Variants in LARGE1 observed in about 807,000 individuals in gnomAD.
The protein encoded by LARGE1 is xylosyl- and glucuronyltransferase LARGE1.
In LARGE1, 43 loss-of-function variants were observed where a neutral mutation model predicts 87.6. That is an observed-to-expected ratio of 0.49 (90% CI 0.38 to 0.63). The LOEUF is 0.63. LARGE1 is among the 30% of genes least tolerant of loss of function. The probability of loss-of-function intolerance (pLI) is 0.00; values close to 1 mark genes in which losing one functional copy is unlikely to be tolerated. For synonymous variants in LARGE1, 434 were observed against 394.6 expected, an observed-to-expected ratio of 1.10 and a Z score of -1.18; for missense variants, 802 against 1,000.2, an observed-to-expected ratio of 0.80 and a Z score of 2.67.
intron 1 of LARGE1, among the ~76,000 whole-genome samples, chr22:33,827,058 A>G (rs1448724177): frequency 6.6e-6 from 1 of 152,020 alleles, no homozygotes; most frequent in Non-Finnish European, 1.5e-5. Context: ...GCTTTCTCCT[A>G]AGACATTTAA....
Position 33,513,032 on chromosome 22 carries a change from G to A in LARGE1, c.787+51816C>T, listed in dbSNP as rs1602193982. Among the ~76,000 whole-genome samples the A allele has an allele frequency of 2.6e-5, 4 of 151,362 alleles. No homozygotes were observed. In the South Asian group the frequency reaches 8.3e-4, roughly 32 times the overall value. ...ATGCAAAAGGAGGTGCCTAATGCCT[G>A]AGGATCCCAGAGATGCAAACCTTCC... On this transcript the variant is annotated intron_variant, in intron 6 of 14. Coordinates refer to ENST00000397394, the MANE Select transcript of LARGE1 (RefSeq NM_133642.5).
intron 9 of LARGE1, among the ~76,000 whole-genome samples, chr22:33,376,221 CTAAAGAAAGCTA>C (rs1186221312): frequency 6.6e-6 from 1 of 152,152 alleles, no homozygotes; most frequent in Non-Finnish European, 1.5e-5. Flanking sequence ...AGTTATATTT[CTAAAGAAAGCTA>C]GAATACACCT....
intron 2 of LARGE1, among the ~76,000 whole-genome samples, chr22:33,757,599 A>G (rs916363646): frequency 1.3e-5 from 2 of 152,170 alleles, no homozygotes; most frequent in Admixed American, 1.3e-4. Flanking sequence ...CTATGCTGAG[A>G]GCAGCCACAT....
intron 2 of LARGE1, among the ~76,000 whole-genome samples, chr22:33,697,106 G>A (rs1455349398): frequency 6.6e-6 from 1 of 152,146 alleles, no homozygotes; most frequent in Non-Finnish European, 1.5e-5. Flanking sequence ...ATGAATGCCA[G>A]GAGGTAGAGG....
Position 33,400,781 on chromosome 22 carries a change from C to T in LARGE1, c.893-16477G>A, listed in dbSNP as rs377555154. On this transcript the variant is annotated intron_variant, in intron 7 of 14. Coordinates refer to ENST00000397394, the MANE Select transcript of LARGE1 (RefSeq NM_133642.5). ...AGTATGCCTTCATTATTCACTCATT[C>T]GCATGCTCAGAAAAAAAGCAGACGC... Among the ~76,000 whole-genome samples the T allele has an allele frequency of 5.7e-4, 87 of 152,300 alleles. No homozygotes were observed. In the South Asian group the frequency reaches 0.011, roughly 19 times the overall value.
chr22:33,794,124 A>G (rs2085908041), intron 1 of LARGE1, among the ~76,000 whole-genome samples: 1 of 152,156 alleles, frequency 6.6e-6, no homozygotes, highest in African/African-American at 2.4e-5. Context: ...CATATCCAGA[A>G]GCTTCCCAGG....
chr22:33,837,779 T>A lies in LARGE1; in HGVS notation c.-82-76221A>T, dbSNP rs188831203. On this transcript the variant is annotated intron_variant, in intron 1 of 14. Transcript: ENST00000397394. ...GGCTCTGCCCCAAATGAGCCTCAGG[T>A]GTGCTAAGGTGGTGCCTTCAGCCCC... Among the ~76,000 whole-genome samples, 3 of 152,324 alleles carry A rather than the reference T, an allele frequency of 2.0e-5. No homozygotes were observed. The East Asian group carries it at 5.8e-4, about 29-fold the overall frequency.
chr22:33,713,869 T>C (rs560699847), intron 2 of LARGE1, among the ~76,000 whole-genome samples: 1 of 152,176 alleles, frequency 6.6e-6, no homozygotes, highest in South Asian at 2.1e-4. Flanking sequence ...GGTGAGAGGA[T>C]TACTTGAGTT....
chr22:33,354,150 G>T (rs1940669910), intron 9 of LARGE1, among the ~76,000 whole-genome samples: 3 of 152,296 alleles, frequency 2.0e-5, no homozygotes, highest in African/African-American at 7.2e-5. Flanking sequence ...CCCTTCGGTG[G>T]AAAGGTGACA....
chr22:33,206,691 G>C (rs1924705572), intron 11 of LARGE1, among the ~76,000 whole-genome samples: 1 of 152,164 alleles, frequency 6.6e-6, no homozygotes, highest in South Asian at 2.1e-4. Flanking sequence ...AGTCCAATAG[G>C]TCTCTGCTCC....
At chr22:33,443,473 A>G (rs1437700279) in intron 6 of LARGE1, among the ~76,000 whole-genome samples, 1 of 152,204 alleles carries the variant, frequency 6.6e-6, no homozygotes, top group Non-Finnish European at 1.5e-5. Context: ...GCCCCTCTGC[A>G]GAACCCTCTG....
chr22:33,581,889 T>C lies in LARGE1; in HGVS notation c.616-16870A>G, dbSNP rs543858275. On this transcript the variant is annotated intron_variant, in intron 5 of 14. Coordinates refer to ENST00000397394, the MANE Select transcript of LARGE1 (RefSeq NM_133642.5). The stretch of plus-strand genomic sequence containing the variant: ...AGAGAGTAATGAATGGACATCACCA[T>C]GGGGTCACCAAGTGATAGATACATC... Among the ~76,000 whole-genome samples, 13 of 151,282 alleles carry C rather than the reference T, an allele frequency of 8.6e-5. No homozygotes were observed. The South Asian group carries it at 1.9e-3, about 22-fold the overall frequency.
At chr22:33,690,393 A>T (rs2082062668) in intron 2 of LARGE1, among the ~76,000 whole-genome samples, 1 of 152,140 alleles carries the variant, frequency 6.6e-6, no homozygotes, top group African/African-American at 2.4e-5. Flanking sequence ...TGCTATGTGA[A>T]CGTAACGGCT....
At chr22:33,878,977 CTT>C (rs1164706410) in intron 1 of LARGE1, among the ~76,000 whole-genome samples, 2 of 150,598 alleles carry the variant, frequency 1.3e-5, no homozygotes, top group Non-Finnish European at 3.0e-5. Context: ...TCTTCTTCTT[CTT>C]CTTCCTTTTT....
intron 11 of LARGE1, among the ~76,000 whole-genome samples, chr22:33,196,898 G>A (rs1568969287): frequency 6.6e-6 from 1 of 152,110 alleles, no homozygotes; most frequent in Non-Finnish European, 1.5e-5. Context: ...AACTACTCAT[G>A]ACTAGCATAA....
intron 2 of LARGE1, among the ~76,000 whole-genome samples, chr22:33,689,989 T>A (rs1351524704): frequency 6.6e-6 from 1 of 152,074 alleles, no homozygotes; most frequent in Non-Finnish European, 1.5e-5. Context: ...ATAATGTACA[T>A]CTTTCACATT....
chr22:33,496,853 T>C (rs1185343233), intron 6 of LARGE1, among the ~76,000 whole-genome samples: 5 of 152,128 alleles, frequency 3.3e-5, no homozygotes, highest in Non-Finnish European at 5.9e-5. Flanking sequence ...CATGGGCATC[T>C]GTTCTCTTGC....
At chr22:33,366,116 C>T (rs534237872) in intron 9 of LARGE1, among the ~76,000 whole-genome samples, 1 of 152,136 alleles carries the variant, frequency 6.6e-6, no homozygotes, top group African/African-American at 2.4e-5. Flanking sequence ...GTTTCTAATC[C>T]GTCTGGAATT....
chr22:33,634,674 AAATAATAATAAT>A (rs139108196), intron 3 of LARGE1, among the ~76,000 whole-genome samples: 2 of 149,398 alleles, frequency 1.3e-5, no homozygotes, highest in African/African-American at 2.5e-5. Flanking sequence ...AAAAATTTCA[AAATAATAATAAT>A]AATAATAATA....
Sources: gnomAD v4.1 joint callset for allele counts (sites outside exome capture counted in the v4.1 genomes callset) on GRCh38, gnomAD v4.1.1 for gene constraint, MANE v1.5 for transcripts, NCBI Gene and HGNC (gene_info 2026-07-23, HGNC 2026-07-21) for gene names.